Variants in LIMCH1 observed in about 807,000 individuals in gnomAD.
The protein encoded by LIMCH1 is LIM and calponin homology domains-containing protein 1.
In LIMCH1, 113 loss-of-function variants were observed where a neutral mutation model predicts 176.5. The observed-to-expected ratio is 0.64, with a 90% CI of 0.55 to 0.75. The LOEUF (loss-of-function observed/expected upper bound fraction) is 0.75, where lower values mean the gene tolerates loss of function less well. Among genes scored for constraint, LIMCH1 ranks in the 30% least tolerant of loss-of-function variants. The pLI, the probability that LIMCH1 is intolerant of heterozygous loss-of-function variation, is 0.00. For missense variants in LIMCH1, 1,674 were observed against 1,814.9 expected (o/e 0.92, Z 1.41); for synonymous variants, 619 against 645.9 (o/e 0.96, Z 0.63).
At chr4:41,439,643 G>A (rs2062487287) in intron 1 of LIMCH1, among the ~76,000 whole-genome samples, 1 of 151,944 alleles carries the variant, frequency 6.6e-6, no homozygotes, top group South Asian at 2.1e-4. Flanking sequence ...AGTGTGTCAC[G>A]CTTGGAATCC....
chr4:41,653,414 C>T lies in LIMCH1; in HGVS notation c.3036+2806C>T, dbSNP rs1371698449. 2.0e-5 allele frequency among the ~76,000 whole-genome samples: 3 copies of T among 151,884 alleles called. No homozygotes were observed. The East Asian group carries it at 5.8e-4, about 29-fold the overall frequency. ...TAGAACAGGAGGCTGCACTTCAGGG[C>T]CTCCCAGAGACTGACACCAGCTTGG... On this transcript the variant is annotated intron_variant, in intron 18 of 31. Coordinates refer to ENST00000503057, the MANE Select transcript of LIMCH1 (RefSeq NM_001330672.2).
chr4:41,522,252 G>A (rs78747988), intron 2 of LIMCH1, among the ~76,000 whole-genome samples: 91 of 152,240 alleles, frequency 6.0e-4, no homozygotes, highest in African/African-American at 2.1e-3. Context: ...GTATGGATGA[G>A]GGGTCTCCAA....
intron 1 of LIMCH1, among the ~76,000 whole-genome samples, chr4:41,569,867 A>C (rs574046724): frequency 6.6e-6 from 1 of 152,242 alleles, no homozygotes; most frequent in Non-Finnish European, 1.5e-5. Context: ...GTTCCTCGTC[A>C]TCATCAGGAA....
At chr4:41,500,974 A>C (rs973299956) in intron 2 of LIMCH1, among the ~76,000 whole-genome samples, 2 of 152,180 alleles carry the variant, frequency 1.3e-5, no homozygotes, top group African/African-American at 4.8e-5. Context: ...GGCAGAAGAG[A>C]GAAAAAACTA....
intron 1 of LIMCH1, among the ~76,000 whole-genome samples, chr4:41,464,918 C>A (rs561135988): frequency 6.6e-6 from 1 of 152,286 alleles, no homozygotes; most frequent in African/African-American, 2.4e-5. Context: ...GAGGGTGAAT[C>A]TACTCCCTCA....
intron 1 of LIMCH1, among the ~76,000 whole-genome samples, chr4:41,369,644 T>A (rs1274291795): frequency 7.9e-5 from 12 of 152,304 alleles, no homozygotes; most frequent in East Asian, 5.8e-4. Flanking sequence ...GCCTTTTTTT[T>A]AGAAAAGTTG....
At chr4:41,616,770 C>T (rs2092128865) in intron 5 of LIMCH1, among the ~76,000 whole-genome samples, 2 of 152,032 alleles carry the variant, frequency 1.3e-5, no homozygotes, top group Non-Finnish European at 2.9e-5. Flanking sequence ...CTTGCGACAA[C>T]ATGTGATACC....
At chr4:41,538,791 T>G (rs150271004) in intron 1 of LIMCH1, among the ~76,000 whole-genome samples, 1,617 of 152,242 alleles carry the variant, frequency 0.011, 29 homozygotes, top group African/African-American at 0.037. Flanking sequence ...CACATTCTGC[T>G]CCTGACTCCA....
chr4:41,420,045 T>C (rs2060476887), intron 1 of LIMCH1, among the ~76,000 whole-genome samples: 1 of 152,076 alleles, frequency 6.6e-6, no homozygotes, highest in African/African-American at 2.4e-5. Flanking sequence ...CTGATAAATG[T>C]GGATGAGGGG....
At chr4:41,509,471 T>G (rs2074580869) in intron 2 of LIMCH1, among the ~76,000 whole-genome samples, 1 of 152,222 alleles carries the variant, frequency 6.6e-6, no homozygotes, top group Non-Finnish European at 1.5e-5. Context: ...TGATAGACTT[T>G]CTATGTAGGG....
intron 23 of LIMCH1, among the ~76,000 whole-genome samples, chr4:41,678,970 G>A (rs1713423247): frequency 1.3e-5 from 2 of 152,122 alleles, no homozygotes; most frequent in Non-Finnish European, 2.9e-5. Flanking sequence ...GAAATAAAGA[G>A]CATGCCATGA....
intron 26 of LIMCH1, among the ~76,000 whole-genome samples, chr4:41,682,980 A>G (rs1164530075): frequency 1.3e-5 from 2 of 152,092 alleles, no homozygotes; most frequent in East Asian, 1.9e-4. Flanking sequence ...CCTGGCCTAA[A>G]TAGCCTTATT....
At position 41,604,992 on chromosome 4, in the gene LIMCH1, C is replaced by T. The variant is rs181821828; in HGVS notation, c.-102-902C>T. Among the ~76,000 whole-genome samples, 795 of 152,048 alleles carry T rather than the reference C, an allele frequency of 5.2e-3. 12 individuals are homozygous for T. Among genetic ancestry groups the T allele is most frequent in the African/African-American group, 0.018 (736 of 41,498 alleles). On this transcript the variant is annotated intron_variant, in intron 3 of 31. Coordinates refer to ENST00000503057, the MANE Select transcript of LIMCH1 (RefSeq NM_001330672.2). ...TAAGTACTTCCCAGACTGGCTGAAG[C>T]GATAAGACAGAGTGTGAAAAGAAAA...
intron 31 of LIMCH1, among the ~76,000 whole-genome samples, chr4:41,695,000 TTCATA>T (rs1269670976): frequency 6.6e-6 from 1 of 152,070 alleles, no homozygotes; most frequent in Non-Finnish European, 1.5e-5. Context: ...TGAACATCTT[TTCATA>T]TGTTTACTCA....
At chr4:41,558,607 A>C (rs543736705) in intron 1 of LIMCH1, among the ~76,000 whole-genome samples, 5 of 152,252 alleles carry the variant, frequency 3.3e-5, no homozygotes, top group African/African-American at 9.6e-5. Context: ...TTGGAGACCC[A>C]GCTCACATCA....
chr4:41,575,353 T>C lies in LIMCH1; in HGVS notation c.-240-23567T>C, dbSNP rs138345358. Among the ~76,000 whole-genome samples the C allele has an allele frequency of 1.5e-3, 225 of 152,380 alleles. 1 individual carries two copies. Among genetic ancestry groups the C allele is most frequent in the Non-Finnish European group, 1.7e-3 (117 of 68,034 alleles). ...GCAATCATTCAGTAAATATTTATTA[T>C]GTGCCAGCATGGTGCTATAGTTTCA... On this transcript the variant is annotated intron_variant, in intron 1 of 31. Transcript: ENST00000503057.
chr4:41,363,691 C>T (rs768878953), intron 1 of LIMCH1, among the ~76,000 whole-genome samples: 3 of 152,128 alleles, frequency 2.0e-5, no homozygotes, highest in Non-Finnish European at 4.4e-5. Context: ...GGCCTGGGAA[C>T]GATTCCCCCA....
intron 1 of LIMCH1, among the ~76,000 whole-genome samples, chr4:41,417,354 T>G (rs2060035583): frequency 6.6e-6 from 1 of 152,154 alleles, no homozygotes; most frequent in African/African-American, 2.4e-5. Context: ...GAGTCCTCAG[T>G]TTACAGATGA....
intron 1 of LIMCH1, among the ~76,000 whole-genome samples, chr4:41,578,271 A>G (rs148455414): frequency 1.1e-3 from 163 of 152,310 alleles, no homozygotes; most frequent in African/African-American, 3.6e-3. Flanking sequence ...GGGAAGCACC[A>G]GACACTTATC....
Sources: gnomAD v4.1 joint callset for allele counts (sites outside exome capture counted in the v4.1 genomes callset) on GRCh38, gnomAD v4.1.1 for gene constraint, MANE v1.5 for transcripts, NCBI Gene and HGNC (gene_info 2026-07-23, HGNC 2026-07-21) for gene names.